Variants in EPS15L1 observed in about 807,000 individuals in gnomAD.
EPS15L1 encodes epidermal growth factor receptor pathway substrate 15 like 1, also known as epidermal growth factor receptor substrate 15-like 1.
Under a neutral mutation model 117.1 loss-of-function variants are expected in EPS15L1, and 43 were observed. The observed-to-expected ratio is 0.37, with a 90% confidence interval of 0.29 to 0.47. The LOEUF is 0.47. EPS15L1 is among the 20% of genes least tolerant of loss of function. The probability of loss-of-function intolerance (pLI) is 0.99; values close to 1 mark genes in which losing one functional copy is unlikely to be tolerated. For missense variants in EPS15L1, 981 were observed against 1,164.0 expected (o/e 0.84, Z 2.29); for synonymous variants, 459 against 470.5 (o/e 0.98, Z 0.32).
chr19:16,417,909 G>A (rs2092774802), intron 11 of EPS15L1, 39 bp downstream of exon 11: 7 of 1,585,688 alleles, frequency 4.4e-6, no homozygotes, highest in African/African-American at 1.3e-5. Flanking sequence ...CGGTGGGAAG[G>A]GATGTCAATA....
intron 22 of EPS15L1, among the ~76,000 whole-genome samples, chr19:16,364,196 A>G (rs972527781): frequency 2.0e-5 from 3 of 152,280 alleles, no homozygotes; most frequent in Middle Eastern, 3.4e-3. Context: ...CCTCAAATCA[A>G]TTCACTGTCA....
chr19:16,448,554 G>GGC (rs1555767242), intron 1 of EPS15L1, among the ~76,000 whole-genome samples: 2 of 143,876 alleles, frequency 1.4e-5, no homozygotes, highest in African/African-American at 5.2e-5. Flanking sequence ...AAAAGGGGGG[G>GGC]GGAGAAAGGC....
chr19:16,440,359 G>A (rs1262827053), intron 4 of EPS15L1, among the ~76,000 whole-genome samples: 1 of 152,104 alleles, frequency 6.6e-6, no homozygotes, highest in Admixed American at 6.6e-5. Flanking sequence ...CTTGATCCTG[G>A]GAGGTGGAGG....
intron 1 of EPS15L1, among the ~76,000 whole-genome samples, chr19:16,458,924 G>A (rs931344810): frequency 2.0e-5 from 3 of 152,186 alleles, no homozygotes; most frequent in African/African-American, 4.8e-5. Flanking sequence ...TAATTTCATC[G>A]TCGTGAGGAC....
chr19:16,460,709 G>A (rs1208542199), intron 1 of EPS15L1, among the ~76,000 whole-genome samples: 1 of 152,160 alleles, frequency 6.6e-6, no homozygotes, highest in African/African-American at 2.4e-5. Context: ...CGGGCACAGA[G>A]CGTTCTAGTT....
chr19:16,366,884 C>T (rs2092140684), intron 22 of EPS15L1, among the ~76,000 whole-genome samples: 1 of 152,144 alleles, frequency 6.6e-6, no homozygotes, highest in Admixed American at 6.5e-5. Flanking sequence ...CCTTCTAGGT[C>T]TAGTTCCTGC....
intron 11 of EPS15L1, 121 bp downstream of exon 11, chr19:16,417,827 G>T: frequency 7.1e-7 from 1 of 1,402,674 alleles, no homozygotes; most frequent in Non-Finnish European, 9.8e-7. Context: ...CCCCTGTTGA[G>T]GAAGGCAGGG....
chr19:16,404,568 C>G lies in EPS15L1; in HGVS notation c.1428+20G>C. The G allele has an allele frequency of 6.2e-7, 1 of 1,613,628 alleles. No homozygotes were observed. Among genetic ancestry groups the G allele is most frequent in the Non-Finnish European group, 8.5e-7 (1 of 1,179,846 alleles). On this transcript the variant is annotated intron_variant, in intron 14 of 23. Coordinates refer to ENST00000455140, the MANE Select transcript of EPS15L1 (RefSeq NM_001258374.3). The surrounding 1 kb of genome is among the most constrained non-coding windows in gnomAD (Gnocchi z 4.2). ...CCTGCCTGTGCATAGGGCGCTGCCC[C>G]GGAGGTGGCCGGGACCCACCATCTG...
chr19:16,407,211 T>C lies in EPS15L1; in HGVS notation c.1267-2462A>G, dbSNP rs73509202. Among the ~76,000 whole-genome samples the C allele has an allele frequency of 2.7e-3, 410 of 152,294 alleles. 3 individuals carry two copies. Among genetic ancestry groups the C allele is most frequent in the African/African-American group, 9.3e-3 (386 of 41,564 alleles). On this transcript the variant is annotated intron_variant, in intron 13 of 23. Coordinates refer to ENST00000455140, the MANE Select transcript of EPS15L1 (RefSeq NM_001258374.3). ...AAAGGTGCTCAGGGTACCTCACCAC[T>C]TCTCTAAGAGGGTTCTCACAGTCTC...
intron 22 of EPS15L1, among the ~76,000 whole-genome samples, chr19:16,367,835 G>A (rs117601515): frequency 0.033 from 4,942 of 151,178 alleles, 119 homozygotes; most frequent in Non-Finnish European, 0.054. Context: ...CCATAAAAAC[G>A]GTGAATGCTA....
At position 16,402,370 on chromosome 19, in the gene EPS15L1, T is replaced by A; in HGVS notation, c.1742A>T (p.Asn581Ile). The A allele has an allele frequency of 6.2e-7, 1 of 1,614,134 alleles. No homozygotes were observed. Among genetic ancestry groups the A allele is most frequent in the Non-Finnish European group, 8.5e-7 (1 of 1,179,994 alleles). The change falls in exon 16 of 24, where the codon AAC becomes ATC. Residue 581 changes from asparagine to isoleucine, a missense_variant. Around this residue, in one of 5 missense-constraint regions of EPS15L1, gnomAD observed 819 missense variants for 949.0 expected, o/e 0.86. Coordinates refer to ENST00000455140, the MANE Select transcript of EPS15L1 (RefSeq NM_001258374.3). Reference protein sequence around the residue: ...AHGASLTDLANLSEGVSLAER... With the variant: ...AHGASLTDLAILSEGVSLAER... ...TGCCAGGGAGACGCCTTCGCTCAGG[T>A]TGGCCAGGTCGGTCAGGCTGGCACC...
In EPS15L1 at chr19:16,441,906, T is replaced by C. The variant is rs769369841; in HGVS notation, c.151A>G (p.Ile51Val). Residue 51 changes from isoleucine (I) to valine (V), a missense_variant, in exon 3 of 24, where the codon ATT becomes GTT. Ile to Val is a conservative substitution (Grantham distance 29). Around this residue, in one of 5 missense-constraint regions of EPS15L1, gnomAD observed 62 missense variants for 104.2 expected, o/e 0.59. Transcript: ENST00000455140. ...TCTTCACATACCTTCCCAAGGATAA[T>C]GTCCGAGAGGCCAGACTTCTTTAGA... ...LFLKKSGLSD[I>V]ILGKIWDLAD... The C allele has an allele frequency of 6.2e-7, 1 of 1,613,474 alleles. No individual in the cohort carries two copies. Among genetic ancestry groups the C allele is most frequent in the Non-Finnish European group, 8.5e-7 (1 of 1,179,598 alleles).
At chr19:16,427,651 G>A (rs1045672572) in intron 8 of EPS15L1, among the ~76,000 whole-genome samples, 1 of 152,174 alleles carries the variant, frequency 6.6e-6, no homozygotes, top group Admixed American at 6.5e-5. Flanking sequence ...CAGCACTTTA[G>A]GAGGCAGAGG....
rs1266951083 is a variant in EPS15L1 at position 16,370,677 on chromosome 19, GAAAGTGCTC to G, written c.2380+6436_2380+6444del. On this transcript the variant is annotated intron_variant, in intron 22 of 23. Transcript: ENST00000455140. The surrounding 1 kb of genome is among the most constrained non-coding windows in gnomAD (Gnocchi z 5.2). Reference sequence around the variant, plus strand: ...CAAACTCAGTGGTCTTTACAGAACAGAAAGTGCTCCAAACGGCAATCTGCCTGCAGTCAG... The same window carrying G: ...CAAACTCAGTGGTCTTTACAGAACAGCAAACGGCAATCTGCCTGCAGTCAG... 4.6e-5 allele frequency among the ~76,000 whole-genome samples: 7 copies of G among 152,224 alleles called. No homozygotes were observed. The highest frequency in any genetic ancestry group is 1.7e-4 in the African/African-American group (7 of 41,454).
chr19:16,411,378 C>A (rs1273400170), intron 13 of EPS15L1, among the ~76,000 whole-genome samples: 2 of 152,208 alleles, frequency 1.3e-5, no homozygotes, highest in Non-Finnish European at 2.9e-5. Flanking sequence ...AACTCTTCCA[C>A]TCACTGAAAG....
intron 1 of EPS15L1, among the ~76,000 whole-genome samples, chr19:16,449,468 T>C (rs781272643): frequency 1.3e-5 from 2 of 151,940 alleles, no homozygotes; most frequent in Admixed American, 6.6e-5. Context: ...AAATAACAAA[T>C]AGTGACAACA....
rs139037371 is a variant in EPS15L1 at position 16,381,032 on chromosome 19, C to T, written c.2248-3778G>A. On this transcript the variant is annotated intron_variant, in intron 21 of 23. Coordinates refer to ENST00000455140, the MANE Select transcript of EPS15L1 (RefSeq NM_001258374.3). The surrounding 1 kb of genome is among the most constrained non-coding windows in gnomAD (Gnocchi z 4.2). ...GCAGCCTACCCATTCCAGGTCCCCC[C>T]GATAAGGGCAGTGGCAGGTGCCCCC... 6.6e-6 allele frequency among the ~76,000 whole-genome samples: 1 copy of T among 152,224 alleles called. No homozygotes were observed. The highest frequency in any genetic ancestry group is 1.5e-5 in the Non-Finnish European group (1 of 68,038).
chr19:16,467,857 CCCA>C (rs1476258865), intron 1 of EPS15L1, among the ~76,000 whole-genome samples: 2 of 152,136 alleles, frequency 1.3e-5, no homozygotes, highest in Non-Finnish European at 2.9e-5. Flanking sequence ...CAGCTCTGCG[CCCA>C]CCAACTATGA....
At chr19:16,460,223 G>T (rs1180343737) in intron 1 of EPS15L1, among the ~76,000 whole-genome samples, 2 of 152,174 alleles carry the variant, frequency 1.3e-5, no homozygotes, top group Non-Finnish European at 2.9e-5. Flanking sequence ...GTCTGAGGCT[G>T]CAGTGAGCCG....
Sources: allele counts gnomAD v4.1 joint callset (sites outside exome capture counted in the v4.1 genomes callset), GRCh38; gene constraint gnomAD v4.1.1; regional missense constraint gnomAD v4.1.1; non-coding constraint Gnocchi (gnomAD v3.1); transcripts MANE v1.5; gene names NCBI Gene and HGNC (gene_info 2026-07-23, HGNC 2026-07-21).